FHIT: variants seen among roughly 807,000 people sequenced by gnomAD.
FHIT encodes the protein fragile histidine triad diadenosine triphosphatase, also known as bis(5'-adenosyl)-triphosphatase.
FHIT carries 19 observed loss-of-function variants against 17.9 expected under a neutral mutation model. The observed-to-expected ratio is 1.06, with a 90% confidence interval of 0.74 to 1.56. The LOEUF (loss-of-function observed/expected upper bound fraction) is 1.56, where lower values mean the gene tolerates loss of function less well. FHIT is among the 40% of genes most tolerant of loss of function. The pLI, the probability that FHIT is intolerant of heterozygous loss-of-function variation, is 0.00. For missense variants in FHIT, 248 were observed against 189.2 expected, an observed-to-expected ratio of 1.31 and a Z score of -1.82; for synonymous variants, 81 against 69.7, an observed-to-expected ratio of 1.16 and a Z score of -0.81.
intron 5 of FHIT, among the ~76,000 whole-genome samples, chr3:60,479,185 T>C (rs2033489737): frequency 6.6e-6 from 1 of 152,226 alleles, no homozygotes. Flanking sequence ...AAAGAAAATA[T>C]GACTTTGTCC....
intron 5 of FHIT, among the ~76,000 whole-genome samples, chr3:60,307,293 G>T (rs576206162): frequency 6.6e-6 from 1 of 152,140 alleles, no homozygotes; most frequent in South Asian, 2.1e-4. Context: ...ACACCATCTT[G>T]TCATTTGACC....
intron 3 of FHIT, among the ~76,000 whole-genome samples, chr3:60,983,135 T>TTGTGTG (rs60471009): frequency 6.3e-4 from 94 of 148,942 alleles, no homozygotes; most frequent in Admixed American, 1.7e-3. Flanking sequence ...ACCTTCTCTC[T>TTGTGTG]TGTGTGTGTG....
At chr3:60,774,200 A>G (rs782431383) in intron 4 of FHIT, among the ~76,000 whole-genome samples, 4 of 152,216 alleles carry the variant, frequency 2.6e-5, no homozygotes, top group Admixed American at 2.6e-4. Context: ...TGCACAGGGA[A>G]TATGTTCCAA....
intron 8 of FHIT, among the ~76,000 whole-genome samples, chr3:59,914,255 G>A (rs1173541367): frequency 1.3e-5 from 2 of 151,584 alleles, no homozygotes; most frequent in African/African-American, 2.4e-5. Flanking sequence ...CATTTACAAC[G>A]CATCTCAATT....
At chr3:60,602,163 T>C (rs2038464751) in intron 4 of FHIT, among the ~76,000 whole-genome samples, 1 of 152,172 alleles carries the variant, frequency 6.6e-6, no homozygotes, top group Admixed American at 6.5e-5. Context: ...AAGAAAGAAC[T>C]GAATCCATGG....
intron 8 of FHIT, among the ~76,000 whole-genome samples, chr3:59,911,048 T>C (rs185679204): frequency 8.5e-5 from 13 of 152,324 alleles, no homozygotes; most frequent in Non-Finnish European, 1.5e-5. Context: ...TCTCTCCAGT[T>C]TCCCATTTTT....
intron 3 of FHIT, among the ~76,000 whole-genome samples, chr3:60,995,236 C>T (rs557027128): frequency 6.6e-6 from 1 of 152,168 alleles, no homozygotes; most frequent in African/African-American, 2.4e-5. Context: ...ATGAGAATGG[C>T]GTGAACCCGG....
At chr3:60,132,246 G>A (rs1485211244) in intron 5 of FHIT, among the ~76,000 whole-genome samples, 1 of 152,160 alleles carries the variant, frequency 6.6e-6, no homozygotes, top group Non-Finnish European at 1.5e-5. Flanking sequence ...ACGTGTGTGT[G>A]TGAACTATAT....
At chr3:59,922,225 G>A (rs969353161) in intron 8 of FHIT, 121 bp downstream of exon 8, 2 of 900,014 alleles carry the variant, frequency 2.2e-6, no homozygotes, top group African/African-American at 3.3e-5. Flanking sequence ...CACTTTCCAA[G>A]TCTGGCTAAA....
intron 5 of FHIT, among the ~76,000 whole-genome samples, chr3:60,177,785 C>A (rs189328611): frequency 1.3e-5 from 2 of 152,324 alleles, no homozygotes; most frequent in African/African-American, 4.8e-5. Context: ...ATCAAGACTT[C>A]TTTTTCTCTG....
At chr3:59,863,810 C>T (rs956144072) in intron 8 of FHIT, among the ~76,000 whole-genome samples, 2 of 152,208 alleles carry the variant, frequency 1.3e-5, no homozygotes, top group African/African-American at 4.8e-5. Flanking sequence ...TTAACCAAAG[C>T]ATTGCAGCTC....
chr3:60,394,855 G>C (rs576827764), intron 5 of FHIT, among the ~76,000 whole-genome samples: 2 of 152,276 alleles, frequency 1.3e-5, no homozygotes, highest in South Asian at 4.1e-4. Context: ...GTGGCTGAGA[G>C]TTCATCTGCA....
chr3:59,935,031 G>A (rs776601593), intron 7 of FHIT, among the ~76,000 whole-genome samples: 3 of 152,116 alleles, frequency 2.0e-5, no homozygotes, highest in Non-Finnish European at 4.4e-5. Flanking sequence ...GCTCTCAGAT[G>A]AGGTCATCTC....
At chr3:60,744,730 C>A (rs2042322333) in intron 4 of FHIT, among the ~76,000 whole-genome samples, 1 of 152,164 alleles carries the variant, frequency 6.6e-6, no homozygotes, top group African/African-American at 2.4e-5. Flanking sequence ...CATCTGAATA[C>A]ATTTTCTCTG....
chr3:60,254,662 G>C (rs1705894967), intron 5 of FHIT, among the ~76,000 whole-genome samples: 2 of 152,110 alleles, frequency 1.3e-5, no homozygotes, highest in South Asian at 2.1e-4. Context: ...ATTTGGACTT[G>C]GACATTAAAT....
intron 4 of FHIT, among the ~76,000 whole-genome samples, chr3:60,582,297 A>T (rs923107128): frequency 3.9e-5 from 6 of 152,070 alleles, no homozygotes; most frequent in Admixed American, 3.9e-4. Context: ...TAAAGGCATG[A>T]ATGTCTAATT....
At chr3:59,951,026 C>A (rs1707089558) in intron 7 of FHIT, among the ~76,000 whole-genome samples, 1 of 152,176 alleles carries the variant, frequency 6.6e-6, no homozygotes, top group South Asian at 2.1e-4. Flanking sequence ...ACATGCCAGG[C>A]TTTGTATTAA....
chr3:60,387,406 C>T (rs1343477245), intron 5 of FHIT, among the ~76,000 whole-genome samples: 6 of 152,078 alleles, frequency 3.9e-5, no homozygotes, highest in South Asian at 2.1e-4. Flanking sequence ...TAAAACTTCC[C>T]GAACTGATCA....
At chr3:60,802,649 A>T (rs1477534506) in intron 4 of FHIT, among the ~76,000 whole-genome samples, 1 of 152,176 alleles carries the variant, frequency 6.6e-6, no homozygotes, top group Non-Finnish European at 1.5e-5. Flanking sequence ...AAAAAGAAAC[A>T]AATTCCTGCC....
Sources: allele counts gnomAD v4.1 joint callset (sites outside exome capture counted in the v4.1 genomes callset), GRCh38; gene constraint gnomAD v4.1.1; transcripts MANE v1.5; gene names NCBI Gene and HGNC (gene_info 2026-07-23, HGNC 2026-07-21).